The following SGCZ variants were observed in gnomAD, a reference collection of about 807,000 sequenced individuals.
The protein encoded by SGCZ is sarcoglycan zeta, also known as zeta-sarcoglycan.
In SGCZ, 40 loss-of-function variants were observed where a neutral mutation model predicts 41.3. That is an observed-to-expected ratio of 0.97 (90% CI 0.75 to 1.26). The LOEUF (loss-of-function observed/expected upper bound fraction) is 1.26, where lower values mean the gene tolerates loss of function less well. Ranked by LOEUF, SGCZ falls within the 50% of genes most tolerant of loss-of-function variation. The probability of loss-of-function intolerance (pLI) is 0.00; values close to 1 mark genes in which losing one functional copy is unlikely to be tolerated. For synonymous variants in SGCZ, 206 were observed against 137.5 expected, an observed-to-expected ratio of 1.50 and a Z score of -3.49; for missense variants, 552 against 369.8, an observed-to-expected ratio of 1.49 and a Z score of -4.04.
At chr8:15,002,725 T>C (rs1802471176) in intron 1 of SGCZ, among the ~76,000 whole-genome samples, 1 of 152,202 alleles carries the variant, frequency 6.6e-6, no homozygotes. Flanking sequence ...CAATAAAAAG[T>C]TCTTCTCTCC....
chr8:14,673,316 C>CA (rs1378024494), intron 1 of SGCZ, among the ~76,000 whole-genome samples: 2 of 152,062 alleles, frequency 1.3e-5, no homozygotes, highest in African/African-American at 2.4e-5. Context: ...GTGATTGTAT[C>CA]ATGGGGGTGG....
intron 1 of SGCZ, among the ~76,000 whole-genome samples, chr8:14,997,415 G>C (rs892422387): frequency 4.6e-5 from 7 of 152,104 alleles, no homozygotes; most frequent in Non-Finnish European, 7.4e-5. Flanking sequence ...AGACATCTCT[G>C]TGAACAAACA....
At chr8:14,501,099 G>C (rs1299185227) in intron 2 of SGCZ, among the ~76,000 whole-genome samples, 1 of 151,972 alleles carries the variant, frequency 6.6e-6, no homozygotes, top group Non-Finnish European at 1.5e-5. Context: ...GAAGCTCTTG[G>C]GGAGAATAGG....
chr8:15,150,757 G>C (rs1041405396), intron 1 of SGCZ, among the ~76,000 whole-genome samples: 9 of 152,138 alleles, frequency 5.9e-5, no homozygotes, highest in African/African-American at 1.9e-4. Flanking sequence ...CTTGGTTTCT[G>C]GAAGATAACA....
chr8:14,914,704 T>A (rs1174926894), intron 1 of SGCZ, among the ~76,000 whole-genome samples: 2 of 152,188 alleles, frequency 1.3e-5, no homozygotes, highest in Non-Finnish European at 2.9e-5. Flanking sequence ...ATTACAAAAA[T>A]CTTATCAAAA....
Position 15,001,373 on chromosome 8 carries a change from GT to G in SGCZ, c.39+236211del, listed in dbSNP as rs1475213458. On this transcript the variant is annotated intron_variant, in intron 1 of 7. Transcript: ENST00000382080. ...TCTGCTTTGCAGGAAAGTCTTGCAA[GT>G]TTACTGGGATATTTGTCACAAGGTA... 3.3e-5 allele frequency among the ~76,000 whole-genome samples: 5 copies of G among 152,304 alleles called. No homozygotes were observed. The East Asian group carries it at 9.7e-4, about 29-fold the overall frequency.
chr8:14,857,973 T>C (rs1208156306), intron 1 of SGCZ, among the ~76,000 whole-genome samples: 1 of 152,146 alleles, frequency 6.6e-6, no homozygotes, highest in Non-Finnish European at 1.5e-5. Flanking sequence ...AATACTTATT[T>C]TCAGAAAAAT....
intron 1 of SGCZ, among the ~76,000 whole-genome samples, chr8:14,830,616 T>G (rs914389996): frequency 1.3e-5 from 2 of 152,226 alleles, no homozygotes; most frequent in African/African-American, 4.8e-5. Context: ...AAGAGGTCTA[T>G]GCATGCCTAT....
intron 1 of SGCZ, among the ~76,000 whole-genome samples, chr8:15,064,781 C>G (rs552990990): frequency 3.3e-5 from 5 of 152,154 alleles, no homozygotes; most frequent in African/African-American, 4.8e-5. Flanking sequence ...GCTCCCATCT[C>G]CTGCAGGGCC....
intron 6 of SGCZ, among the ~76,000 whole-genome samples, chr8:14,107,542 T>C (rs1272660871): frequency 1.3e-5 from 2 of 152,226 alleles, no homozygotes; most frequent in South Asian, 4.1e-4. Flanking sequence ...TATAGCTTTC[T>C]CAGCGCCCTA....
intron 4 of SGCZ, among the ~76,000 whole-genome samples, chr8:14,214,248 C>G (rs1470161849): frequency 2.6e-5 from 4 of 152,062 alleles, no homozygotes; most frequent in African/African-American, 4.8e-5. Flanking sequence ...AAAACACAAA[C>G]CAGTAATTCT....
chr8:14,563,548 C>T (rs186098703), intron 1 of SGCZ, among the ~76,000 whole-genome samples: 1 of 152,298 alleles, frequency 6.6e-6, no homozygotes, highest in East Asian at 1.9e-4. Flanking sequence ...GAAATATTGT[C>T]TGAAAGGATG....
intron 1 of SGCZ, among the ~76,000 whole-genome samples, chr8:14,998,250 T>A (rs1186676701): frequency 6.6e-6 from 1 of 152,170 alleles, no homozygotes; most frequent in Non-Finnish European, 1.5e-5. Context: ...AGATAATGAA[T>A]AAACCGTTAA....
At chr8:15,082,427 T>C (rs952457399) in intron 1 of SGCZ, among the ~76,000 whole-genome samples, 15 of 117,206 alleles carry the variant, frequency 1.3e-4, no homozygotes, top group African/African-American at 3.5e-4. Flanking sequence ...TATATATGTG[T>C]GTGTGTATAT....
chr8:14,849,176 G>C (rs182523703), intron 1 of SGCZ, among the ~76,000 whole-genome samples: 1 of 151,986 alleles, frequency 6.6e-6, no homozygotes, highest in Non-Finnish European at 1.5e-5. Context: ...TGCTTGTGTC[G>C]ACCAGTGTTA....
chr8:14,807,763 G>A (rs1352556243), intron 1 of SGCZ, among the ~76,000 whole-genome samples: 4 of 151,482 alleles, frequency 2.6e-5, no homozygotes, highest in East Asian at 1.9e-4. Context: ...AAAAGAGCCC[G>A]CATCACCAAG....
At chr8:14,395,658 C>A (rs1187548402) in intron 2 of SGCZ, among the ~76,000 whole-genome samples, 2 of 152,168 alleles carry the variant, frequency 1.3e-5, no homozygotes, top group African/African-American at 4.8e-5. Flanking sequence ...CCCTGGGAAT[C>A]AATACTCTAA....
intron 1 of SGCZ, among the ~76,000 whole-genome samples, chr8:14,792,368 G>C (rs552925134): frequency 6.6e-6 from 1 of 151,918 alleles, no homozygotes; most frequent in African/African-American, 2.4e-5. Context: ...TCTTTATCAA[G>C]TCCCCTTTTG....
rs187603941 is a variant in SGCZ, at chr8:14,538,631, T to G, written c.234+16101A>C. Among the ~76,000 whole-genome samples, 32 of 152,084 alleles carry G rather than the reference T, an allele frequency of 2.1e-4. No homozygotes were observed. In the South Asian group the frequency reaches 3.1e-3, roughly 15 times the overall value. On this transcript the variant is annotated intron_variant, in intron 2 of 7. Coordinates refer to ENST00000382080, the MANE Select transcript of SGCZ (RefSeq NM_139167.4). ...TAATTATAACTTTTCTCCTTAAGCA[T>G]AACACAATAAGGCCTTTCTTGTAAA...
Sources: allele counts gnomAD v4.1 joint callset (sites outside exome capture counted in the v4.1 genomes callset), GRCh38; gene constraint gnomAD v4.1.1; transcripts MANE v1.5; gene names NCBI Gene and HGNC (gene_info 2026-07-23, HGNC 2026-07-21).